The following HECW1 variants were observed in gnomAD, a reference collection of about 807,000 sequenced individuals.
HECW1 encodes the protein HECT, C2 and WW domain containing E3 ubiquitin protein ligase 1.
In HECW1, 61 loss-of-function variants were observed where a neutral mutation model predicts 182.3. The ratio of observed to expected loss-of-function variants is 0.33; its 90% CI spans 0.27 to 0.41. The LOEUF (loss-of-function observed/expected upper bound fraction) is 0.41, where lower values mean the gene tolerates loss of function less well. HECW1 is among the 10% of genes least tolerant of loss of function. The pLI, the probability that HECW1 is intolerant of heterozygous loss-of-function variation, is 1.00. For synonymous variants in HECW1, 859 were observed against 832.6 expected (o/e 1.03, Z -0.55); for missense variants, 1,739 against 2,108.9 (o/e 0.82, Z 3.44).
At chr7:43,493,686 A>C (rs533255729) in intron 19 of HECW1, among the ~76,000 whole-genome samples, 1 of 152,360 alleles carries the variant, frequency 6.6e-6, no homozygotes, top group South Asian at 2.1e-4. Context: ...TAGCGATCTG[A>C]AATGATAAAA....
intron 26 of HECW1, among the ~76,000 whole-genome samples, chr7:43,549,710 C>T (rs1228611889): frequency 6.6e-6 from 1 of 152,148 alleles, no homozygotes; most frequent in Admixed American, 6.5e-5. Context: ...CTTCTGGTTC[C>T]CTTCCCAGGG....
At chr7:43,142,402 A>T (rs993004831) in intron 2 of HECW1, among the ~76,000 whole-genome samples, 9 of 152,328 alleles carry the variant, frequency 5.9e-5, no homozygotes, top group Admixed American at 2.0e-4. Flanking sequence ...ATTCATGCAC[A>T]GAATCTAGCA....
chr7:43,212,380 T>G (rs1796078262), intron 2 of HECW1, among the ~76,000 whole-genome samples: 1 of 152,246 alleles, frequency 6.6e-6, no homozygotes, highest in South Asian at 2.1e-4. Flanking sequence ...AACAAAATTA[T>G]ATACTAGCTG....
At chr7:43,195,513 GT>G (rs1277668378) in intron 2 of HECW1, among the ~76,000 whole-genome samples, 1 of 152,128 alleles carries the variant, frequency 6.6e-6, no homozygotes, top group East Asian at 1.9e-4. Context: ...CGCCTCTTAT[GT>G]TACTGCCCCA....
chr7:43,492,990 A>G (rs2078986978), intron 18 of HECW1, 94 bp from the exon 19 acceptor site: 2 of 770,700 alleles, frequency 2.6e-6, no homozygotes, highest in Non-Finnish European at 4.2e-6. Flanking sequence ...AAACTCCTTC[A>G]TTAATCCTGG....
intron 2 of HECW1, among the ~76,000 whole-genome samples, chr7:43,183,897 C>A (rs994633145): frequency 6.6e-6 from 1 of 152,092 alleles, no homozygotes; most frequent in Non-Finnish European, 1.5e-5. Flanking sequence ...CAAGTGTAGG[C>A]ACACTTTTAA....
At chr7:43,557,826 G>T (rs940923222) in intron 29 of HECW1, among the ~76,000 whole-genome samples, 13 of 152,276 alleles carry the variant, frequency 8.5e-5, no homozygotes, top group South Asian at 6.2e-4. Flanking sequence ...TGAAACTCAA[G>T]TTCCTCAAAA....
chr7:43,551,877 A>T (rs924572213), intron 27 of HECW1, among the ~76,000 whole-genome samples: 1 of 152,058 alleles, frequency 6.6e-6, no homozygotes, highest in Non-Finnish European at 1.5e-5. Context: ...TGGTTCATAG[A>T]TGGTACCTTC....
chr7:43,421,420 A>G (rs946555075), intron 8 of HECW1, among the ~76,000 whole-genome samples: 1 of 152,242 alleles, frequency 6.6e-6, no homozygotes, highest in Non-Finnish European at 1.5e-5. Flanking sequence ...AGCATTAATC[A>G]TAAAATAAAA....
At chr7:43,331,292 A>G (rs987637008) in intron 5 of HECW1, among the ~76,000 whole-genome samples, 4 of 152,072 alleles carry the variant, frequency 2.6e-5, no homozygotes, top group Admixed American at 1.3e-4. Context: ...AGCTTCATCC[A>G]TGTAAGATCG....
chr7:43,115,061 A>G (rs1047251515), intron 2 of HECW1, among the ~76,000 whole-genome samples: 2 of 152,232 alleles, frequency 1.3e-5, no homozygotes, highest in Non-Finnish European at 2.9e-5. Flanking sequence ...CTCATGGTAA[A>G]GGAAGTTGGA....
At chr7:43,384,118 C>G (rs1351074566) in intron 6 of HECW1, among the ~76,000 whole-genome samples, 1 of 152,142 alleles carries the variant, frequency 6.6e-6, no homozygotes, top group African/African-American at 2.4e-5. Flanking sequence ...AATATGTGTA[C>G]TGAAAAAATT....
intron 2 of HECW1, among the ~76,000 whole-genome samples, chr7:43,239,401 A>G (rs1284922472): frequency 6.6e-6 from 1 of 152,242 alleles, no homozygotes; most frequent in East Asian, 1.9e-4. Context: ...ATGCACACAC[A>G]GGCTTTCCCT....
intron 13 of HECW1, among the ~76,000 whole-genome samples, chr7:43,460,775 C>A (rs2077556789): frequency 6.6e-6 from 1 of 152,188 alleles, no homozygotes; most frequent in South Asian, 2.1e-4. Flanking sequence ...CCCTGAAAGA[C>A]TGAGAGACCC....
chr7:43,380,220 T>C (rs189804771), intron 6 of HECW1, among the ~76,000 whole-genome samples: 54 of 152,262 alleles, frequency 3.5e-4, no homozygotes, highest in African/African-American at 1.3e-3. Flanking sequence ...ACCTGGCTAA[T>C]ATTTTTAAAA....
At chr7:43,550,971 C>T (rs1325681361) in intron 27 of HECW1, among the ~76,000 whole-genome samples, 1 of 152,156 alleles carries the variant, frequency 6.6e-6, no homozygotes, top group Admixed American at 6.5e-5. Flanking sequence ...GTATTGTCCA[C>T]TGTCACTAGA....
At chr7:43,483,737 C>T (rs1344751982) in intron 17 of HECW1, among the ~76,000 whole-genome samples, 14 of 151,764 alleles carry the variant, frequency 9.2e-5, no homozygotes, top group African/African-American at 1.9e-4. Context: ...TCAGTAGAGA[C>T]GGGGTTTCAC....
intron 8 of HECW1, among the ~76,000 whole-genome samples, chr7:43,436,583 G>T (rs368966573): frequency 2.3e-4 from 35 of 152,240 alleles, no homozygotes; most frequent in East Asian, 1.9e-3. Context: ...GGTGCTCAGT[G>T]GGGGAGCTTC....
At chr7:43,406,216 T>C (rs1186696254) in intron 7 of HECW1, among the ~76,000 whole-genome samples, 5 of 152,166 alleles carry the variant, frequency 3.3e-5, no homozygotes, top group African/African-American at 1.2e-4. Flanking sequence ...GATCTACCAG[T>C]CTCCTACAGC....
Sources: gnomAD v4.1 joint callset for allele counts (sites outside exome capture counted in the v4.1 genomes callset) on GRCh38, gnomAD v4.1.1 for gene constraint, MANE v1.5 for transcripts, NCBI Gene and HGNC (gene_info 2026-07-23, HGNC 2026-07-21) for gene names.